The following PRCD variants were observed in gnomAD, a reference collection of about 807,000 sequenced individuals.
PRCD encodes photoreceptor disk component PRCD.
Under a neutral mutation model 10.1 loss-of-function variants are expected in PRCD, and 12 were observed. That is an observed-to-expected ratio of 1.18 (90% CI 0.76 to 1.92). The LOEUF (loss-of-function observed/expected upper bound fraction) is 1.92, where lower values mean the gene tolerates loss of function less well. Among genes scored for constraint, PRCD ranks in the 40% most tolerant of loss-of-function variants. PRCD has a pLI of 0.00. For synonymous variants in PRCD, 31 were observed against 26.2 expected (o/e 1.18, Z -0.56); for missense variants, 61 against 72.2 (o/e 0.84, Z 0.56).
downstream of PRCD, chr17:76,545,506 AGGGTGGGGTCCCTTCT>A (rs1444503741): frequency 2.5e-6 from 1 of 394,220 alleles, no homozygotes; most frequent in Admixed American, 2.8e-5. Flanking sequence ...GCTGAGCCAA[AGGGTGGGGTCCCTTCT>A]GGTCTAGGGT....
chr17:76,547,878 C>T (rs1322683126), downstream of PRCD, among the ~76,000 whole-genome samples: 3 of 151,156 alleles, frequency 2.0e-5, no homozygotes, highest in African/African-American at 7.3e-5. Context: ...CATATTCACA[C>T]ACATACACAT....
chr17:76,534,128 T>TTC (rs1436503180), intron 1 of PRCD, among the ~76,000 whole-genome samples: 7 of 133,302 alleles, frequency 5.3e-5, no homozygotes, highest in Admixed American at 1.6e-4. Flanking sequence ...CTTTCTTTCT[T>TTC]TCTCTCTCTC....
downstream of PRCD, among the ~76,000 whole-genome samples, chr17:76,547,701 A>T (rs1005899620): frequency 6.6e-5 from 10 of 151,066 alleles, no homozygotes; most frequent in African/African-American, 2.4e-4. Flanking sequence ...ACACACACAG[A>T]CACACACACA....
chr17:76,539,669 C>T (rs879690236), upstream of PRCD, among the ~76,000 whole-genome samples: 6 of 152,202 alleles, frequency 3.9e-5, no homozygotes, highest in Admixed American at 1.3e-4. Flanking sequence ...GCTTCGGCAG[C>T]GTCTTCTGTC....
At chr17:76,538,417 T>G (rs936972498), upstream of PRCD, 79 of 438,640 alleles carry the variant, frequency 1.8e-4, no homozygotes, top group Admixed American at 2.0e-3. Flanking sequence ...CTGCGCCCCC[T>G]CTCCTTCCGC....
chr17:76,537,369 C>A (rs202171551), upstream of PRCD: 1,441 of 1,566,608 alleles, frequency 9.2e-4, 1 homozygote, highest in Admixed American at 2.0e-3. Flanking sequence ...CCCTCCCTGC[C>A]CAGGGCCCGG....
At chr17:76,543,693 A>G in intron 4 of PRCD, 110 bp from the exon 5 acceptor site, 1 of 458,522 alleles carries the variant, frequency 2.2e-6, no homozygotes, top group South Asian at 1.6e-5. Context: ...GGCCTGGCCA[A>G]CTGCCTGTCA....
intron 1 of PRCD, chr17:76,552,884 AT>A (rs1380272540): frequency 1.8e-5 from 2 of 113,822 alleles, no homozygotes; most frequent in African/African-American, 8.0e-5. Context: ...AAAAAAAAAT[AT>A]ATATATATAT....
At chr17:76,536,805 C>T (rs1374313214), upstream of PRCD, among the ~76,000 whole-genome samples, 2 of 152,214 alleles carry the variant, frequency 1.3e-5, no homozygotes, top group African/African-American at 4.8e-5. Context: ...CTGTTTGCTT[C>T]TCCACTCACC....
chr17:76,538,233 C>T (rs1224356062), upstream of PRCD: 1 of 182,142 alleles, frequency 5.5e-6, no homozygotes, highest in African/African-American at 2.4e-5. Context: ...AGCTGGGCTC[C>T]CCTCGCCCGG....
intron 1 of PRCD, among the ~76,000 whole-genome samples, chr17:76,534,378 C>A (rs2074890912): frequency 6.6e-6 from 1 of 152,144 alleles, no homozygotes; most frequent in Non-Finnish European, 1.5e-5. Context: ...GGGGTTTCGC[C>A]ATGCTGGCCA....
chr17:76,540,829 C>T lies in PRCD; in HGVS notation c.143+256C>T, dbSNP rs990164271. ...TCTCATCTCCAGCACGGGGCGGTCC[C>T]CCGGGGCACCTTCTGTCAGAAGGCA... On this transcript the variant is annotated intron_variant, in intron 2 of 4. Transcript: ENST00000592014. The surrounding 1 kb of genome is among the most constrained non-coding windows in gnomAD (Gnocchi z 5.0). 4.6e-5 allele frequency among the ~76,000 whole-genome samples: 7 copies of T among 152,212 alleles called. No individual in the cohort carries two copies. The highest frequency in any genetic ancestry group is 8.8e-5 in the Non-Finnish European group (6 of 68,032).
In PRCD at chr17:76,534,114, C is replaced by T. The variant is rs916434707; in HGVS notation, n.45+6281C>T. 2.0e-3 allele frequency among the ~76,000 whole-genome samples: 287 copies of T among 146,578 alleles called. 1 individual carries two copies. The highest frequency in any genetic ancestry group is 6.3e-3 in the African/African-American group (253 of 40,046). On this transcript the variant is annotated intron_variant and non_coding_transcript_variant, in intron 1 of 4. Coordinates refer to the PRCD transcript ENST00000397633. ...CCTTTTTTCTTTTTCTTTCTTTCTT[C>T]TTTCTTTCTTTCTTTCTCTCTCTCT... is the stretch of plus-strand genomic sequence containing the variant.
In PRCD at chr17:76,530,265, C is replaced by T. The variant is rs1268793944; in HGVS notation, n.45+2432C>T. Among the ~76,000 whole-genome samples the T allele has an allele frequency of 6.6e-6, 1 of 152,122 alleles. No individual in the cohort carries two copies. Among genetic ancestry groups the T allele is most frequent in the African/African-American group, 2.4e-5 (1 of 41,420 alleles). On this transcript the variant is annotated intron_variant and non_coding_transcript_variant, in intron 1 of 4. Transcript: ENST00000397633. This position sits in a 1 kb window ranked among gnomAD's most constrained non-coding sequence, Gnocchi z 6.1. ...CAGAGTCAGCCTCCCCTTGGGGGCC[C>T]AGGGAGGCCGAGTGTTCCCAACCGC... is the stretch of plus-strand genomic sequence containing the variant.
At chr17:76,542,361 G>A (rs967951274) in intron 2 of PRCD, among the ~76,000 whole-genome samples, 192 bp from the exon 3 acceptor site, 1 of 152,210 alleles carries the variant, frequency 6.6e-6, no homozygotes, top group Admixed American at 6.5e-5. Flanking sequence ...TGGCTGCCGT[G>A]GAAGGCTGGC....
chr17:76,553,077 T>C (rs2075126919), intron 1 of PRCD: 1 of 151,784 alleles, frequency 6.6e-6, no homozygotes, highest in Admixed American at 6.6e-5. Context: ...TGAGGACTCA[T>C]GTTCTTTCTT....
chr17:76,549,345 C>T (rs936629429), downstream of PRCD, among the ~76,000 whole-genome samples: 3 of 152,212 alleles, frequency 2.0e-5, no homozygotes, highest in Non-Finnish European at 4.4e-5. Flanking sequence ...GTTCGACATG[C>T]GGCTGGGCGC....
upstream of PRCD, chr17:76,537,555 G>T (rs1233908445): frequency 3.9e-5 from 54 of 1,390,920 alleles, no homozygotes; most frequent in Non-Finnish European, 5.1e-5. Flanking sequence ...GCAGCTCCAA[G>T]CCCAGCCCGG....
rs551592677 is a variant in PRCD at position 76,534,877 on chromosome 17, T to A, written n.46-5628T>A. The stretch of plus-strand genomic sequence containing the variant: ...ACGGTTCTGTGGCCCCTGGGGCCCA[T>A]GTGCCTGGCTCCTTCCTCCTGGCTC... On this transcript the variant is annotated intron_variant and non_coding_transcript_variant, in intron 1 of 4. Transcript: ENST00000397633. Among the ~76,000 whole-genome samples, 63 of 152,316 alleles carry A rather than the reference T, an allele frequency of 4.1e-4. No individual in the cohort carries two copies. The Middle Eastern group carries it at 0.01, about 25-fold the overall frequency.
Sources: allele counts gnomAD v4.1 joint callset (sites outside exome capture counted in the v4.1 genomes callset), GRCh38; gene constraint gnomAD v4.1.1; non-coding constraint Gnocchi (gnomAD v3.1); transcripts MANE v1.5; gene names NCBI Gene and HGNC (gene_info 2026-07-23, HGNC 2026-07-21).